SMCHD1: variants seen among roughly 807,000 people sequenced by gnomAD.
The protein encoded by SMCHD1 is structural maintenance of chromosomes flexible hinge domain containing 1.
Under a neutral mutation model 254.7 loss-of-function variants are expected in SMCHD1, and 78 were observed. That is an observed-to-expected ratio of 0.31 (90% CI 0.26 to 0.37). The LOEUF is 0.37. SMCHD1 is among the 10% of genes least tolerant of loss of function. The probability of loss-of-function intolerance (pLI) is 1.00; values close to 1 mark genes in which losing one functional copy is unlikely to be tolerated. For missense variants in SMCHD1, 1,840 were observed against 2,408.1 expected (o/e 0.76, Z 4.94); for synonymous variants, 766 against 794.9 (o/e 0.96, Z 0.61).
chr18:2,739,402 A>G (rs753835846), intron 26 of SMCHD1, 30 bp from the exon 27 acceptor site: 1 of 1,550,498 alleles, frequency 6.4e-7, no homozygotes, highest in Non-Finnish European at 8.9e-7. Flanking sequence ...TGGTGTCACT[A>G]AAGACTTCTA....
At chr18:2,749,080 C>T (rs569572544) in intron 30 of SMCHD1, among the ~76,000 whole-genome samples, 21 of 152,228 alleles carry the variant, frequency 1.4e-4, no homozygotes, top group African/African-American at 5.1e-4. Flanking sequence ...GCTCTAAGAC[C>T]TGAAAAGACT....
chr18:2,728,322 C>T (rs758072502), intron 22 of SMCHD1, 135 bp from the exon 23 acceptor site: 13 of 802,088 alleles, frequency 1.6e-5, no homozygotes, highest in Non-Finnish European at 2.3e-5. Flanking sequence ...TAAGCATGGA[C>T]ATTGCCTATA....
rs537340302 is a variant in SMCHD1 at position 2,790,396 on chromosome 18, ATTG to A, written c.5720-5544_5720-5542del. 1.3e-4 allele frequency among the ~76,000 whole-genome samples: 20 copies of A among 152,246 alleles called. 1 individual carries two copies. The South Asian group carries it at 2.7e-3, about 21-fold the overall frequency. On this transcript the variant is annotated intron_variant, in intron 45 of 47. Transcript: ENST00000320876. The stretch of plus-strand genomic sequence containing the variant: ...TTACAGTATATTTTTATTCTGTTTT[ATTG>A]TTGTTGTTAATCTACTATGCCTAAC...
chr18:2,661,190 C>T (rs1290261437), intron 1 of SMCHD1, among the ~76,000 whole-genome samples: 1 of 151,944 alleles, frequency 6.6e-6, no homozygotes, highest in Non-Finnish European at 1.5e-5. Flanking sequence ...GGGTAAGAGG[C>T]AAGGAGAGGG....
chr18:2,781,555 TC>T (rs1207812856), intron 44 of SMCHD1, among the ~76,000 whole-genome samples: 2 of 151,774 alleles, frequency 1.3e-5, no homozygotes, highest in Non-Finnish European at 2.9e-5. Flanking sequence ...TTAATATAGT[TC>T]AAAAAATGAA....
intron 44 of SMCHD1, among the ~76,000 whole-genome samples, chr18:2,782,531 A>G (rs2076171905): frequency 6.6e-6 from 1 of 151,942 alleles, no homozygotes; most frequent in Non-Finnish European, 1.5e-5. Flanking sequence ...CTTGAAGGCA[A>G]GAGTTCGAGA....
chr18:2,681,500 G>A (rs1052961248), intron 5 of SMCHD1, among the ~76,000 whole-genome samples: 3 of 147,342 alleles, frequency 2.0e-5, no homozygotes, highest in African/African-American at 5.0e-5. Flanking sequence ...TGAGAGGATC[G>A]CTTGAGACTA....
In SMCHD1 at chr18:2,666,159, A is replaced by G. The variant is rs950150109; in HGVS notation, c.189A>G (p.Thr63=). 6.8e-7 allele frequency: 1 copy of G among 1,463,644 alleles called. No individual in the cohort carries two copies. 90.7% of individuals were successfully genotyped at this position (1,463,644 alleles called of 1,614,324 possible). A position where few individuals can be genotyped will look rare whatever the true frequency, so the allele number is the denominator to read the frequency against. Residue 63 remains threonine, a splice_region_variant and synonymous_variant, in exon 2 of 48, where the codon ACA becomes ACG. Transcript: ENST00000320876. ...ATTTTATTTCTTATTTTGGATAGAC[A>G]CTTGGCATTTCACCTGAAGAAAAAT... ...YAGFRACVCQ[T]LGISPEEKFV... is the part of the protein sequence containing the mutation.
intron 12 of SMCHD1, among the ~76,000 whole-genome samples, chr18:2,702,580 A>G (rs2074427691): frequency 6.6e-6 from 1 of 152,182 alleles, no homozygotes; most frequent in Non-Finnish European, 1.5e-5. Context: ...CAAACTGACA[A>G]CAATGATTTG....
chr18:2,725,120 T>A, intron 21 of SMCHD1, 125 bp downstream of exon 21: 1 of 521,718 alleles, frequency 1.9e-6, no homozygotes, highest in Non-Finnish European at 3.1e-6. Flanking sequence ...AATTGGGTTC[T>A]TAGGAATTTA....
Position 2,795,967 on chromosome 18 carries a change from G to A in SMCHD1, c.5738G>A (p.Arg1913His), listed in dbSNP as rs773099791. 6.3e-6 allele frequency: 10 copies of A among 1,593,156 alleles called. No individual in the cohort carries two copies. The highest frequency in any genetic ancestry group is 6.8e-6 in the Non-Finnish European group (8 of 1,169,550). The change falls in exon 46 of 48, where the codon CGT (arginine) becomes CAT (histidine). Residue 1913 changes from arginine to histidine, a missense_variant. Around this residue, in one of 9 missense-constraint regions of SMCHD1, gnomAD observed 132 missense variants for 138.2 expected, o/e 0.95. Coordinates refer to ENST00000320876, the MANE Select transcript of SMCHD1 (RefSeq NM_015295.3). ...TTTACAGATCTTCTTCAGCAGTATC[G>A]TTCTGCTGTGTGCAAACTAGACAGT... ...GEQIDLLQQYRSAVCKLDSVN... is the reference protein window; with the variant it reads ...GEQIDLLQQYHSAVCKLDSVN...
intron 3 of SMCHD1, 78 bp from the exon 4 acceptor site, chr18:2,673,203 T>C: frequency 6.8e-7 from 1 of 1,462,916 alleles, no homozygotes; most frequent in Non-Finnish European, 9.1e-7. Flanking sequence ...AGGTACTTGA[T>C]AGTTTCTTCT....
chr18:2,671,117 G>A lies in SMCHD1; in HGVS notation c.425-2164G>A, dbSNP rs529780857. ...ACACCTGGCTAATTTTGTATTTTTA[G>A]TAGAGATGGGGTTTCTCCATGTTGG... On this transcript the variant is annotated intron_variant, in intron 3 of 47. Transcript: ENST00000320876. 2.0e-4 allele frequency among the ~76,000 whole-genome samples: 31 copies of A among 151,272 alleles called. No homozygotes were observed. The South Asian group carries it at 4.8e-3, about 23-fold the overall frequency.
At chr18:2,714,550 T>C (rs2074754770) in intron 17 of SMCHD1, among the ~76,000 whole-genome samples, 1 of 152,116 alleles carries the variant, frequency 6.6e-6, no homozygotes, top group Non-Finnish European at 1.5e-5. Context: ...TTTCTTTTTT[T>C]CCCTCCTTTC....
At chr18:2,753,700 C>T (rs533030613) in intron 34 of SMCHD1, among the ~76,000 whole-genome samples, 1 of 152,224 alleles carries the variant, frequency 6.6e-6, no homozygotes, top group South Asian at 2.1e-4. Flanking sequence ...TGCTGCCATG[C>T]CCAGCAAATT....
At chr18:2,730,579 G>A (rs1368856269) in intron 24 of SMCHD1, among the ~76,000 whole-genome samples, 1 of 152,138 alleles carries the variant, frequency 6.6e-6, no homozygotes, top group Non-Finnish European at 1.5e-5. Flanking sequence ...ATCTAAGGTT[G>A]TGGAGTGGGA....
intron 19 of SMCHD1, among the ~76,000 whole-genome samples, chr18:2,719,202 CTCCTT>C (rs1169254373): frequency 6.6e-6 from 1 of 151,278 alleles, no homozygotes; most frequent in East Asian, 1.9e-4. Context: ...TTCTTTTTCT[CTCCTT>C]TTCTTTTCTG....
At chr18:2,670,618 A>G (rs2073567366) in intron 3 of SMCHD1, among the ~76,000 whole-genome samples, 1 of 152,130 alleles carries the variant, frequency 6.6e-6, no homozygotes. Flanking sequence ...TTTAAAATTG[A>G]GTGAATCTGG....
intron 44 of SMCHD1, 50 bp downstream of exon 44, chr18:2,778,289 A>T (rs764309111): frequency 1.5e-6 from 2 of 1,301,086 alleles, no homozygotes; most frequent in Admixed American, 4.2e-5. Flanking sequence ...TTTAATGTGT[A>T]TCATGTCCAT....
Sources: gnomAD v4.1 joint callset for allele counts (sites outside exome capture counted in the v4.1 genomes callset) on GRCh38, gnomAD v4.1.1 for gene constraint, gnomAD v4.1.1 regional missense constraint, MANE v1.5 for transcripts, NCBI Gene and HGNC (gene_info 2026-07-23, HGNC 2026-07-21) for gene names.